Variants in APAF1 observed in about 807,000 individuals in gnomAD.
APAF1 encodes the protein apoptotic protease-activating factor 1.
Under a neutral mutation model 152.4 loss-of-function variants are expected in APAF1, and 91 were observed. The observed-to-expected ratio is 0.60, with a 90% confidence interval of 0.50 to 0.71. The LOEUF is 0.71. Ranked by LOEUF, APAF1 falls within the 30% of genes least tolerant of loss-of-function variation. The pLI is 0.00. For synonymous variants in APAF1, 484 were observed against 494.1 expected (o/e 0.98, Z 0.27); for missense variants, 1,283 against 1,472.0 (o/e 0.87, Z 2.10).
intron 16 of APAF1, among the ~76,000 whole-genome samples, chr12:98,689,435 T>TGAGAGAGAGA (rs10562439): frequency 6.8e-6 from 1 of 147,334 alleles, no homozygotes; most frequent in Non-Finnish European, 1.5e-5. Context: ...TGTGTGAGGG[T>TGAGAGAGAGA]GAGAGAGAGA....
At chr12:98,655,959 A>G (rs2097656973) in intron 4 of APAF1, among the ~76,000 whole-genome samples, 1 of 151,704 alleles carries the variant, frequency 6.6e-6, no homozygotes, top group African/African-American at 2.4e-5. Context: ...AATTTTTTGT[A>G]TTTTTAGTAG....
chr12:98,731,266 C>T (rs1393610225), intron 26 of APAF1, among the ~76,000 whole-genome samples: 1 of 152,170 alleles, frequency 6.6e-6, no homozygotes. Flanking sequence ...TTATGAACAT[C>T]CCCCCACCAG....
intron 16 of APAF1, among the ~76,000 whole-genome samples, chr12:98,692,983 C>A (rs1007573635): frequency 7.2e-5 from 11 of 152,072 alleles, no homozygotes; most frequent in African/African-American, 2.7e-4. Context: ...TACAAAGTCA[C>A]CGAACAAATT....
intron 22 of APAF1, 150 bp from the exon 23 acceptor site, chr12:98,723,043 A>G: frequency 1.4e-6 from 1 of 714,846 alleles, no homozygotes; most frequent in Non-Finnish European, 2.4e-6. Flanking sequence ...TAAAATGTGG[A>G]CACCACAGTC....
chr12:98,732,304 C>T (rs974160774), intron 26 of APAF1, 116 bp from the exon 27 acceptor site: 1 of 876,302 alleles, frequency 1.1e-6, no homozygotes, highest in African/African-American at 1.7e-5. Flanking sequence ...ACATTTTCCT[C>T]CTGTTTGCTT....
At chr12:98,654,014 T>C (rs2097653242) in intron 4 of APAF1, among the ~76,000 whole-genome samples, 1 of 152,100 alleles carries the variant, frequency 6.6e-6, no homozygotes, top group Non-Finnish European at 1.5e-5. Context: ...GAGTTTTCCC[T>C]GAATAAAGGC....
At chr12:98,724,136 T>C (rs945773313) in intron 24 of APAF1, among the ~76,000 whole-genome samples, 2 of 152,238 alleles carry the variant, frequency 1.3e-5, no homozygotes, top group Non-Finnish European at 2.9e-5. Context: ...TGGTGAATGA[T>C]GCTGCTTGGT....
intron 12 of APAF1, 56 bp from the exon 13 acceptor site, chr12:98,677,369 A>G (rs2097687704): frequency 6.4e-7 from 1 of 1,573,656 alleles, no homozygotes; most frequent in Admixed American, 1.7e-5. Context: ...CTGAAAGAAA[A>G]TAGTTACTTT....
rs1013659413 is a variant in APAF1, at chr12:98,733,514, C to G, written c.*948C>G. The stretch of plus-strand genomic sequence containing the variant: ...GTGGCATAATCATACCTCATTGCAG[C>G]CTCAGACTCCTGGGTTCAAGCAATC... On this transcript the variant is annotated 3_prime_UTR_variant, in exon 27 of 27. Transcript: ENST00000551964. The G allele has an allele frequency of 6.6e-6, 1 of 150,400 alleles. No homozygotes were observed. Among genetic ancestry groups the G allele is most frequent in the Non-Finnish European group, 1.5e-5 (1 of 67,824 alleles). 9.3% of individuals were successfully genotyped at this position (150,400 alleles called of 1,614,324 possible).
In APAF1 at chr12:98,671,707, A is replaced by G. The variant is rs61758870; in HGVS notation, c.1781A>G (p.Tyr594Cys). The change falls in exon 12 of 27, where the codon TAC becomes TGC. Residue 594 changes from tyrosine to cysteine, a missense_variant. Coordinates refer to ENST00000551964, the MANE Select transcript of APAF1 (RefSeq NM_181861.2). ...CAGGAGGTCGATAATGGAATGCTTT[A>G]CCTGGAATGGATGTAAGTAGGTTAG... ...AKQEVDNGML[Y>C]LEWINKKNIT... is the part of the protein sequence containing the mutation. The G allele has an allele frequency of 6.2e-7, 1 of 1,614,106 alleles. No homozygotes were observed. Among genetic ancestry groups the G allele is most frequent in the Non-Finnish European group, 8.5e-7 (1 of 1,180,016 alleles).
At chr12:98,686,968 A>G (rs924838845) in intron 16 of APAF1, 95 bp downstream of exon 16, 3 of 1,259,504 alleles carry the variant, frequency 2.4e-6, no homozygotes, top group Non-Finnish European at 3.4e-6. Context: ...ACATTTCTAC[A>G]GAAAGAGCCT....
chr12:98,703,648 G>T (rs1484863730), intron 18 of APAF1, 149 bp downstream of exon 18: 6 of 968,264 alleles, frequency 6.2e-6, no homozygotes, highest in East Asian at 2.5e-5. Flanking sequence ...TCTAACTTTG[G>T]GATATTAAAC....
chr12:98,673,991 TGG>T (rs2097683773), intron 12 of APAF1, among the ~76,000 whole-genome samples: 1 of 152,056 alleles, frequency 6.6e-6, no homozygotes, highest in Non-Finnish European at 1.5e-5. Flanking sequence ...TAATTTTTGT[TGG>T]TTTTATTTAT....
At chr12:98,649,727 A>G (rs2097646533) in intron 4 of APAF1, 43 bp downstream of exon 4, 1 of 1,535,108 alleles carries the variant, frequency 6.5e-7, no homozygotes, top group Non-Finnish European at 9.0e-7. Context: ...AGGTAGATAG[A>G]CATGTAAAAA....
chr12:98,718,028 A>T (rs971722064), intron 22 of APAF1, among the ~76,000 whole-genome samples: 1 of 152,170 alleles, frequency 6.6e-6, no homozygotes, highest in African/African-American at 2.4e-5. Context: ...AACAGGAAGT[A>T]TTAATAGATG....
intron 5 of APAF1, among the ~76,000 whole-genome samples, chr12:98,661,146 C>T (rs1197093126): frequency 1.3e-5 from 2 of 152,206 alleles, no homozygotes; most frequent in East Asian, 3.9e-4. Context: ...CGTGATCTGC[C>T]CACCTTGGCC....
chr12:98,667,640 A>G lies in APAF1; in HGVS notation c.1490A>G (p.His497Arg). ...LAYHMASAKM[H>R]KELCALMFSL... is the part of the protein sequence containing the mutation. ...TATCACATGGCCAGTGCCAAGATGC[A>G]CAAGGTAAGATGACCCATTTAAAAA... The change falls in exon 10 of 27, where the codon CAC (histidine) becomes CGC (arginine). Residue 497 changes from histidine (H) to arginine (R), a missense_variant. Physicochemically the swap from His to Arg is conservative, Grantham distance 29. Transcript: ENST00000551964. The G allele has an allele frequency of 6.2e-7, 1 of 1,613,536 alleles. No individual in the cohort carries two copies. Among genetic ancestry groups the G allele is most frequent in the South Asian group, 1.1e-5 (1 of 91,084 alleles).
intron 21 of APAF1, among the ~76,000 whole-genome samples, chr12:98,713,519 C>G (rs958495352): frequency 4.6e-5 from 7 of 152,152 alleles, no homozygotes; most frequent in Admixed American, 3.3e-4. Flanking sequence ...CACCTGAAAT[C>G]CTTAATTTAT....
At chr12:98,673,020 A>G (rs1196926760) in intron 12 of APAF1, among the ~76,000 whole-genome samples, 1 of 151,926 alleles carries the variant, frequency 6.6e-6, no homozygotes, top group Non-Finnish European at 1.5e-5. Flanking sequence ...AGCCTCCCAA[A>G]GTGTTGGGAT....
Sources: allele counts gnomAD v4.1 joint callset (sites outside exome capture counted in the v4.1 genomes callset), GRCh38; gene constraint gnomAD v4.1.1; transcripts MANE v1.5; gene names NCBI Gene and HGNC (gene_info 2026-07-23, HGNC 2026-07-21).